Variants in NRXN1 observed in about 807,000 individuals in gnomAD.
NRXN1 encodes neurexin-1.
Under a neutral mutation model 150.9 loss-of-function variants are expected in NRXN1, and 39 were observed. The ratio of observed to expected loss-of-function variants is 0.26; its 90% CI spans 0.20 to 0.34. The LOEUF (loss-of-function observed/expected upper bound fraction) is 0.34, where lower values mean the gene tolerates loss of function less well. Ranked by LOEUF, NRXN1 falls within the 10% of genes least tolerant of loss-of-function variation. NRXN1 has a pLI of 1.00. For missense variants in NRXN1, 1,815 were observed against 1,949.9 expected (o/e 0.93, Z 1.30); for synonymous variants, 924 against 757.0 (o/e 1.22, Z -3.62).
chr2:51,030,531 T>C (rs1366176359), intron 1 of NRXN1, among the ~76,000 whole-genome samples: 1 of 121,450 alleles, frequency 8.2e-6, no homozygotes, highest in African/African-American at 3.3e-5. Flanking sequence ...GTTCTCTCTC[T>C]TTCAACACAC....
At chr2:51,017,796 A>G (rs1290813162) in intron 2 of NRXN1, among the ~76,000 whole-genome samples, 1 of 152,064 alleles carries the variant, frequency 6.6e-6, no homozygotes, top group African/African-American at 2.4e-5. Flanking sequence ...CATCACGTAT[A>G]ATTTTAAATA....
intron 5 of NRXN1, among the ~76,000 whole-genome samples, chr2:50,684,456 G>A (rs1243318616): frequency 1.3e-5 from 2 of 152,004 alleles, no homozygotes; most frequent in East Asian, 1.9e-4. Context: ...AAGCTGTGAT[G>A]GTGTCACTAC....
At position 50,342,079 on chromosome 2, in the gene NRXN1, T is replaced by C. The variant is rs150593436; in HGVS notation, c.3365-105109A>G. 3.7e-3 allele frequency among the ~76,000 whole-genome samples: 557 copies of C among 152,330 alleles called. 4 individuals are homozygous for C. Among genetic ancestry groups the C allele is most frequent in the African/African-American group, 0.013 (537 of 41,580 alleles). ...AACCTCAACTCTACTCTCATCCTTA[T>C]TATTCTCTGGTCCTCCATGGTACCT... On this transcript the variant is annotated intron_variant, in intron 17 of 22. Transcript: ENST00000401669.
At chr2:49,983,038 T>TA (rs749556274) in intron 21 of NRXN1, among the ~76,000 whole-genome samples, 9 of 152,206 alleles carry the variant, frequency 5.9e-5, no homozygotes, top group Admixed American at 2.0e-4. Flanking sequence ...GGTAAACTCC[T>TA]ACACATTGTT....
chr2:50,071,344 G>A (rs1696267848), intron 19 of NRXN1, among the ~76,000 whole-genome samples: 1 of 152,152 alleles, frequency 6.6e-6, no homozygotes, highest in African/African-American at 2.4e-5. Flanking sequence ...AATTCATATG[G>A]TGAAGCCTTA....
At chr2:50,439,870 T>C (rs1403547802) in intron 17 of NRXN1, among the ~76,000 whole-genome samples, 1 of 151,708 alleles carries the variant, frequency 6.6e-6, no homozygotes, top group African/African-American at 2.4e-5. Context: ...GTGCTAGGCC[T>C]TTTCCATAAT....
At chr2:50,271,026 A>G (rs930627669) in intron 17 of NRXN1, among the ~76,000 whole-genome samples, 3 of 152,188 alleles carry the variant, frequency 2.0e-5, no homozygotes, top group African/African-American at 7.2e-5. Context: ...TATGTATGCA[A>G]TTATATGCAC....
At chr2:50,613,452 T>C (rs531560681) in intron 8 of NRXN1, among the ~76,000 whole-genome samples, 3 of 152,336 alleles carry the variant, frequency 2.0e-5, no homozygotes, top group African/African-American at 7.2e-5. Context: ...ACATACTGTA[T>C]AGTGCATACT....
chr2:50,565,689 A>G (rs1340230878), intron 8 of NRXN1, among the ~76,000 whole-genome samples: 1 of 152,176 alleles, frequency 6.6e-6, no homozygotes, highest in Non-Finnish European at 1.5e-5. Context: ...AATAAAGATG[A>G]GAATGTATCT....
At chr2:51,007,743 T>C (rs1005895342) in intron 2 of NRXN1, among the ~76,000 whole-genome samples, 3 of 151,906 alleles carry the variant, frequency 2.0e-5, no homozygotes, top group African/African-American at 7.2e-5. Flanking sequence ...CAAAGATATT[T>C]AGCTAAATTG....
At chr2:50,409,629 C>T (rs2083001455) in intron 17 of NRXN1, among the ~76,000 whole-genome samples, 1 of 152,206 alleles carries the variant, frequency 6.6e-6, no homozygotes, top group East Asian at 1.9e-4. Flanking sequence ...TTTTAAAGAA[C>T]ACTCGACTTG....
intron 5 of NRXN1, among the ~76,000 whole-genome samples, chr2:50,811,347 T>G (rs953000503): frequency 6.6e-6 from 1 of 152,154 alleles, no homozygotes; most frequent in African/African-American, 2.4e-5. Flanking sequence ...GCAACCAAGA[T>G]AGGTAAACAT....
At chr2:50,543,061 A>T (rs2093424189) in intron 9 of NRXN1, among the ~76,000 whole-genome samples, 1 of 152,134 alleles carries the variant, frequency 6.6e-6, no homozygotes, top group Non-Finnish European at 1.5e-5. Context: ...ATATCAATGG[A>T]AAAGGAGAAT....
chr2:50,154,932 C>A (rs929955313), intron 18 of NRXN1, among the ~76,000 whole-genome samples: 1 of 150,888 alleles, frequency 6.6e-6, no homozygotes, highest in African/African-American at 2.4e-5. Flanking sequence ...CACTGTTGCC[C>A]AATAGATTAT....
intron 18 of NRXN1, among the ~76,000 whole-genome samples, chr2:50,230,005 C>T (rs2064787704): frequency 6.6e-6 from 1 of 151,994 alleles, no homozygotes; most frequent in Admixed American, 6.6e-5. Context: ...CACCACAAAG[C>T]AGTGGGTCAA....
intron 18 of NRXN1, among the ~76,000 whole-genome samples, chr2:50,185,973 T>A (rs1224215687): frequency 6.6e-6 from 1 of 152,090 alleles, no homozygotes; most frequent in Non-Finnish European, 1.5e-5. Flanking sequence ...TAGTTCCAAA[T>A]GTTAAAATAA....
At chr2:50,507,994 A>T (rs771899639) in intron 12 of NRXN1, among the ~76,000 whole-genome samples, 1 of 151,304 alleles carries the variant, frequency 6.6e-6, no homozygotes, top group Non-Finnish European at 1.5e-5. Context: ...GGAGAAGAAG[A>T]AAAAAAAAGA....
chr2:50,318,078 C>T (rs112129081), intron 17 of NRXN1, among the ~76,000 whole-genome samples: 1,676 of 151,802 alleles, frequency 0.011, 27 homozygotes, highest in African/African-American at 0.038. Flanking sequence ...GAAGAATAAA[C>T]ATAACAAAAT....
intron 8 of NRXN1, among the ~76,000 whole-genome samples, chr2:50,610,013 T>C (rs1297739875): frequency 6.6e-6 from 1 of 152,134 alleles, no homozygotes; most frequent in African/African-American, 2.4e-5. Context: ...AAGCAATTAA[T>C]TTGTTTTAAA....
Sources: allele counts gnomAD v4.1 joint callset (sites outside exome capture counted in the v4.1 genomes callset), GRCh38; gene constraint gnomAD v4.1.1; transcripts MANE v1.5; gene names NCBI Gene and HGNC (gene_info 2026-07-23, HGNC 2026-07-21).